ABHD17B: variants seen among roughly 807,000 people sequenced by gnomAD.
ABHD17B encodes the protein abhydrolase domain containing 17B, depalmitoylase.
Under a neutral mutation model 26.2 loss-of-function variants are expected in ABHD17B, and 9 were observed. The observed-to-expected ratio is 0.34, with a 90% confidence interval of 0.21 to 0.60. The LOEUF is 0.60. Ranked by LOEUF, ABHD17B falls within the 20% of genes least tolerant of loss-of-function variation. ABHD17B has a pLI of 0.80. For synonymous variants in ABHD17B, 127 were observed against 122.3 expected (o/e 1.04, Z -0.25); for missense variants, 224 against 352.1 (o/e 0.64, Z 2.91).
intron 1 of ABHD17B, among the ~76,000 whole-genome samples, chr9:71,906,815 C>CAA (rs1471335511): frequency 2.8e-3 from 11 of 3,956 alleles, no homozygotes; most frequent in African/African-American, 0.012. Flanking sequence ...AACAAACAAA[C>CAA]AAACAAAAAA....
chr9:71,902,339 T>C (rs918364752), intron 1 of ABHD17B: 1 of 152,200 alleles, frequency 6.6e-6, no homozygotes, highest in Non-Finnish European at 1.5e-5. Context: ...TGGAAAGCCA[T>C]TACCCTAGGG....
intron 2 of ABHD17B, among the ~76,000 whole-genome samples, chr9:71,874,159 C>T (rs1826191759): frequency 6.6e-6 from 1 of 151,370 alleles, no homozygotes; most frequent in Non-Finnish European, 1.5e-5. Context: ...AAAAACCAAA[C>T]ATTTGTCACT....
At chr9:71,894,131 A>T (rs1160459408) in intron 1 of ABHD17B, among the ~76,000 whole-genome samples, 3 of 144,040 alleles carry the variant, frequency 2.1e-5, no homozygotes, top group Non-Finnish European at 4.5e-5. Flanking sequence ...AGGATACTTC[A>T]CTTTGGAGAT....
At position 71,866,167 on chromosome 9, in the gene ABHD17B, A is replaced by G. The variant is rs531406622; in HGVS notation, c.*620T>C. On this transcript the variant is annotated 3_prime_UTR_variant, in exon 4 of 4. Transcript: ENST00000333421. ...CATTTACAAGGTAACTCATTGGTAA[A>G]TTAATAGATGGCATAAAAATTAAGA... The G allele has an allele frequency of 2.9e-5, 29 of 984,348 alleles. No homozygotes were observed. The highest frequency in any genetic ancestry group is 6.0e-6 in the Non-Finnish European group (5 of 828,538). The allele number at this position is 984,348 out of a possible 1,614,324, so 61.0% of individuals were successfully genotyped here. A position where few individuals can be genotyped will look rare whatever the true frequency, so the allele number is the denominator to read the frequency against.
chr9:71,881,936 C>A (rs147235807), intron 1 of ABHD17B, among the ~76,000 whole-genome samples: 1,609 of 149,980 alleles, frequency 0.011, 18 homozygotes, highest in Middle Eastern at 0.021. Context: ...AAAAGGACAA[C>A]CCAATTAATA....
At position 71,880,699 on chromosome 9, in the gene ABHD17B, C is replaced by T. The variant is rs78740293; in HGVS notation, c.-3-5616G>A. The stretch of plus-strand genomic sequence containing the variant: ...TAGTTAAAAAAATTATAAATAAGAT[C>T]GCACCCACAACCAAAACGACTATCT... On this transcript the variant is annotated intron_variant, in intron 1 of 3. Coordinates refer to ENST00000333421, the MANE Select transcript of ABHD17B (RefSeq NM_001025780.3). 3.0e-3 allele frequency among the ~76,000 whole-genome samples: 458 copies of T among 151,902 alleles called. 9 individuals carry two copies. The East Asian group carries it at 0.036, about 12-fold the overall frequency.
chr9:71,901,999 T>C (rs541574796), intron 1 of ABHD17B, among the ~76,000 whole-genome samples: 1 of 152,278 alleles, frequency 6.6e-6, no homozygotes, highest in Non-Finnish European at 1.5e-5. Context: ...CTGAGCACTG[T>C]CCGATTCATT....
intron 1 of ABHD17B, among the ~76,000 whole-genome samples, chr9:71,903,566 G>A (rs747956306): frequency 3.9e-5 from 6 of 151,990 alleles, no homozygotes; most frequent in Non-Finnish European, 8.8e-5. Flanking sequence ...GTAATTAATG[G>A]GCTAATACCT....
intron 1 of ABHD17B, among the ~76,000 whole-genome samples, chr9:71,888,481 A>T (rs1826676829): frequency 6.6e-6 from 1 of 152,202 alleles, no homozygotes; most frequent in Non-Finnish European, 1.5e-5. Context: ...AGTCCCTGAG[A>T]AACTTTTCAG....
At chr9:71,888,487 T>A (rs1410552552) in intron 1 of ABHD17B, among the ~76,000 whole-genome samples, 2 of 152,226 alleles carry the variant, frequency 1.3e-5, no homozygotes, top group African/African-American at 2.4e-5. Context: ...TGAGAAACTT[T>A]TCAGGTGAGT....
At chr9:71,901,813 C>A (rs1827151405) in intron 1 of ABHD17B, among the ~76,000 whole-genome samples, 1 of 152,130 alleles carries the variant, frequency 6.6e-6, no homozygotes, top group Non-Finnish European at 1.5e-5. Context: ...GTTATAAAAT[C>A]ACTCACTAAT....
At chr9:71,880,849 C>G (rs987403243) in intron 1 of ABHD17B, among the ~76,000 whole-genome samples, 1 of 151,744 alleles carries the variant, frequency 6.6e-6, no homozygotes, top group African/African-American at 2.4e-5. Flanking sequence ...ATGAAAATTT[C>G]AAGGTAATTC....
intron 3 of ABHD17B, among the ~76,000 whole-genome samples, chr9:71,868,240 A>G (rs1249482256): frequency 1.3e-5 from 2 of 151,650 alleles, no homozygotes; most frequent in Non-Finnish European, 2.9e-5. Context: ...GAAAGAAAGA[A>G]AGAAAGAAAG....
intron 2 of ABHD17B, among the ~76,000 whole-genome samples, chr9:71,871,622 T>C (rs1217881071): frequency 1.3e-5 from 2 of 151,750 alleles, no homozygotes; most frequent in Non-Finnish European, 2.9e-5. Flanking sequence ...AAGGATAGAG[T>C]CGCAGAGGTA....
chr9:71,879,189 A>G (rs1471487937), intron 1 of ABHD17B, among the ~76,000 whole-genome samples: 1 of 152,054 alleles, frequency 6.6e-6, no homozygotes, highest in Admixed American at 6.6e-5. Flanking sequence ...AAACCCCCCA[A>G]ATCCCAAGGG....
chr9:71,891,927 C>A (rs979345425), intron 1 of ABHD17B, among the ~76,000 whole-genome samples: 11 of 152,224 alleles, frequency 7.2e-5, no homozygotes, highest in African/African-American at 2.6e-4. Context: ...GAGATGCCAA[C>A]GAAGCCTTTG....
intron 1 of ABHD17B, among the ~76,000 whole-genome samples, chr9:71,898,505 G>A (rs765108245): frequency 3.3e-5 from 5 of 151,706 alleles, no homozygotes; most frequent in Non-Finnish European, 5.9e-5. Flanking sequence ...TGGGCATGGC[G>A]GTGCATGCCT....
At chr9:71,877,438 G>A (rs1826311115) in intron 1 of ABHD17B, among the ~76,000 whole-genome samples, 1 of 152,202 alleles carries the variant, frequency 6.6e-6, no homozygotes. Flanking sequence ...TGTTTTTCGA[G>A]ACGAAGTCTC....
chr9:71,876,787 A>G (rs933503778), intron 1 of ABHD17B, among the ~76,000 whole-genome samples: 4 of 152,194 alleles, frequency 2.6e-5, no homozygotes, highest in Non-Finnish European at 4.4e-5. Context: ...AAATGTGTTT[A>G]TAAGAAGCAG....
Sources: allele counts gnomAD v4.1 joint callset (sites outside exome capture counted in the v4.1 genomes callset), GRCh38; gene constraint gnomAD v4.1.1; transcripts MANE v1.5; gene names NCBI Gene and HGNC (gene_info 2026-07-23, HGNC 2026-07-21).